Variants in FAXC observed in about 807,000 individuals in gnomAD.
FAXC encodes failed axon connections homolog, metaxin like GST domain containing, also known as failed axon connections homolog.
FAXC carries 10 observed loss-of-function variants against 41.9 expected under a neutral mutation model. The observed-to-expected ratio is 0.24, with a 90% CI of 0.15 to 0.41. The LOEUF (loss-of-function observed/expected upper bound fraction) is 0.41, where lower values mean the gene tolerates loss of function less well. Ranked by LOEUF, FAXC falls within the 10% of genes least tolerant of loss-of-function variation. The pLI is 1.00. For synonymous variants in FAXC, 183 were observed against 183.8 expected (o/e 1.00, Z 0.03); for missense variants, 399 against 510.9 (o/e 0.78, Z 2.11).
chr6:99,306,831 C>A (rs1039292482), intron 4 of FAXC, among the ~76,000 whole-genome samples: 2 of 152,150 alleles, frequency 1.3e-5, no homozygotes, highest in Non-Finnish European at 2.9e-5. Context: ...AAGTTAATAC[C>A]TGAAAAGCTC....
rs58892013 is a variant in FAXC, at chr6:99,315,893, CCTCTATATGACTGTAT to C, written c.823+7535_823+7550del. Among the ~76,000 whole-genome samples, 1,515 of 152,264 alleles carry C rather than the reference CCTCTATATGACTGTAT, an allele frequency of 9.9e-3. 13 individuals carry two copies. The highest frequency in any genetic ancestry group is 0.016 in the Non-Finnish European group (1,099 of 68,022). The stretch of plus-strand genomic sequence containing the variant: ...CTGAAACTGTATTTTTCTTCTTCTC[CCTCTATATGACTGTAT>C]CTCCCAAACCAACTCTATTTACCAA... On this transcript the variant is annotated intron_variant, in intron 4 of 5. Transcript: ENST00000389677.
chr6:99,339,339 C>A (rs529206153), intron 2 of FAXC, among the ~76,000 whole-genome samples: 1 of 152,190 alleles, frequency 6.6e-6, no homozygotes, highest in Non-Finnish European at 1.5e-5. Flanking sequence ...TTTGGGGATG[C>A]CTGAGGCTCA....
chr6:99,295,179 T>C (rs1331148475), intron 4 of FAXC, among the ~76,000 whole-genome samples: 1 of 152,200 alleles, frequency 6.6e-6, no homozygotes, highest in Non-Finnish European at 1.5e-5. Context: ...GAATTTAGTA[T>C]CTGTGGAAAA....
intron 5 of FAXC, among the ~76,000 whole-genome samples, chr6:99,282,672 T>C (rs1288042447): frequency 6.6e-6 from 1 of 152,168 alleles, no homozygotes; most frequent in Non-Finnish European, 1.5e-5. Context: ...GATGGCAACA[T>C]TGCTTATAAA....
chr6:99,305,410 C>T lies in FAXC; in HGVS notation c.824-13590G>A, dbSNP rs143100849. 1.1e-4 allele frequency among the ~76,000 whole-genome samples: 16 copies of T among 152,276 alleles called. No individual in the cohort carries two copies. The East Asian group carries it at 2.7e-3, about 26-fold the overall frequency. On this transcript the variant is annotated intron_variant, in intron 4 of 5. Coordinates refer to ENST00000389677, the MANE Select transcript of FAXC (RefSeq NM_032511.4). The stretch of plus-strand genomic sequence containing the variant: ...AAGCAAGCACTTACTGAGCATCTGG[C>T]TCTACAGCCAGACTCCCAGGGCCAG...
At chr6:99,282,210 T>C (rs1465288287) in intron 5 of FAXC, among the ~76,000 whole-genome samples, 3 of 152,218 alleles carry the variant, frequency 2.0e-5, no homozygotes, top group Admixed American at 1.3e-4. Context: ...GGTTCATATA[T>C]AAATTAATTT....
chr6:99,326,395 A>C (rs1173076833), intron 3 of FAXC, among the ~76,000 whole-genome samples: 1 of 152,216 alleles, frequency 6.6e-6, no homozygotes, highest in Non-Finnish European at 1.5e-5. Flanking sequence ...AGGAGAAACT[A>C]GGTATTTTCT....
intron 4 of FAXC, among the ~76,000 whole-genome samples, chr6:99,304,600 T>C (rs1771843529): frequency 6.6e-6 from 1 of 152,214 alleles, no homozygotes; most frequent in African/African-American, 2.4e-5. Flanking sequence ...TGTAATATAT[T>C]ATATTGCCCT....
intron 4 of FAXC, among the ~76,000 whole-genome samples, chr6:99,305,392 C>T (rs7743568): frequency 0.022 from 3,396 of 152,216 alleles, 130 homozygotes; most frequent in African/African-American, 0.077. Flanking sequence ...GGTAAGCAAG[C>T]ACTTACTGAG....
intron 5 of FAXC, among the ~76,000 whole-genome samples, chr6:99,285,033 A>AC (rs1239283852): frequency 6.6e-6 from 1 of 151,808 alleles, no homozygotes; most frequent in African/African-American, 2.4e-5. Context: ...GGTAAAAAAA[A>AC]AAAAGTCTGA....
At chr6:99,348,997 G>A (rs1773694273) in intron 1 of FAXC, 110 bp downstream of exon 1, 1 of 1,053,026 alleles carries the variant, frequency 9.5e-7, no homozygotes, top group Admixed American at 2.3e-5. Context: ...GGGCGCTTGG[G>A]CATCTGGGCA....
At chr6:99,324,764 A>ATCC (rs1265583033) in intron 3 of FAXC, among the ~76,000 whole-genome samples, 5 of 152,226 alleles carry the variant, frequency 3.3e-5, no homozygotes, top group African/African-American at 1.2e-4. Context: ...GCTGAAGAGA[A>ATCC]TGCAGCTGTG....
intron 5 of FAXC, 90 bp from the exon 6 acceptor site, chr6:99,281,543 G>A: frequency 9.6e-7 from 1 of 1,043,116 alleles, no homozygotes; most frequent in Non-Finnish European, 1.4e-6. Flanking sequence ...CTCCAATGTT[G>A]AAATCCTGAC....
chr6:99,348,593 C>A (rs1337335481), intron 1 of FAXC, among the ~76,000 whole-genome samples: 1 of 152,224 alleles, frequency 6.6e-6, no homozygotes, highest in Admixed American at 6.5e-5. Context: ...TGCATCAAAG[C>A]TGCCCACCAC....
At chr6:99,344,646 T>C (rs1458416076) in intron 1 of FAXC, among the ~76,000 whole-genome samples, 3 of 152,224 alleles carry the variant, frequency 2.0e-5, no homozygotes, top group Non-Finnish European at 4.4e-5. Context: ...AATGTTTTCA[T>C]TTAAATGGAA....
At chr6:99,281,600 G>GTTCA (rs1562146762) in intron 5 of FAXC, 147 bp from the exon 6 acceptor site, 10 of 678,558 alleles carry the variant, frequency 1.5e-5, no homozygotes, top group African/African-American at 7.1e-5. Context: ...GAGGTGGTTC[G>GTTCA]TTCATGAGGC....
intron 2 of FAXC, among the ~76,000 whole-genome samples, chr6:99,339,825 CAG>C (rs1562185813): frequency 6.6e-6 from 1 of 151,814 alleles, no homozygotes; most frequent in African/African-American, 2.4e-5. Context: ...AAAATAGAAG[CAG>C]AGTTTCCAAA....
intron 4 of FAXC, among the ~76,000 whole-genome samples, chr6:99,308,095 G>A (rs1047134064): frequency 1.3e-5 from 2 of 152,138 alleles, no homozygotes; most frequent in South Asian, 2.1e-4. Context: ...TCAGGAGTTC[G>A]GGACCAGCCT....
intron 2 of FAXC, among the ~76,000 whole-genome samples, chr6:99,341,728 C>T (rs910460235): frequency 6.6e-6 from 1 of 152,040 alleles, no homozygotes; most frequent in African/African-American, 2.4e-5. Flanking sequence ...CTAAATAATA[C>T]ACTAAACGTG....
Sources: gnomAD v4.1 joint callset for allele counts (sites outside exome capture counted in the v4.1 genomes callset) on GRCh38, gnomAD v4.1.1 for gene constraint, MANE v1.5 for transcripts, NCBI Gene and HGNC (gene_info 2026-07-23, HGNC 2026-07-21) for gene names.